IL18R1: variants seen among roughly 807,000 people sequenced by gnomAD.
IL18R1 encodes the protein interleukin 18 receptor 1, also known as interleukin-18 receptor 1.
In IL18R1, 40 loss-of-function variants were observed where a neutral mutation model predicts 48.5. The observed-to-expected ratio is 0.82, with a 90% CI of 0.64 to 1.07. The LOEUF (loss-of-function observed/expected upper bound fraction) is 1.07, where lower values mean the gene tolerates loss of function less well. IL18R1 is among the 50% of genes least tolerant of loss of function. IL18R1 has a pLI of 0.00. For missense variants in IL18R1, 596 were observed against 633.7 expected (o/e 0.94, Z 0.64); for synonymous variants, 232 against 225.9 (o/e 1.03, Z -0.24).
chr2:102,391,517 T>C (rs1246218668), intron 9 of IL18R1, among the ~76,000 whole-genome samples: 1 of 152,224 alleles, frequency 6.6e-6, no homozygotes, highest in Non-Finnish European at 1.5e-5. Flanking sequence ...TTGTTTCCAA[T>C]CTTTTGTTAT....
At chr2:102,365,598 C>T (rs1678845152) in intron 2 of IL18R1, among the ~76,000 whole-genome samples, 1 of 152,132 alleles carries the variant, frequency 6.6e-6, no homozygotes, top group Admixed American at 6.5e-5. Flanking sequence ...CTCTTAACTC[C>T]ACTAGCTGTA....
chr2:102,369,696 T>A (rs1456829011), intron 3 of IL18R1, among the ~76,000 whole-genome samples: 2 of 152,216 alleles, frequency 1.3e-5, no homozygotes, highest in Non-Finnish European at 2.9e-5. Context: ...CTAACTTAGG[T>A]GTGTAACCCT....
Position 102,376,010 on chromosome 2 carries a change from A to G in IL18R1, c.572A>G (p.His191Arg). Residue 191 changes from histidine (H) to arginine (R), a missense_variant, in exon 5 of 11, where the codon CAT becomes CGT. By Grantham distance (29) the His-to-Arg change is conservative. This residue lies in a region of IL18R1 where 360 missense variants were observed against 339.4 expected (regional missense o/e 1.06). Transcript: ENST00000233957. ...TACTCCTGCGTGCATTTCCTTCATC[A>G]TAATGGAAAACTATTTAATATCACC... Reference protein sequence around the residue: ...GYYSCVHFLHHNGKLFNITKT... With the variant: ...GYYSCVHFLHRNGKLFNITKT... The G allele has an allele frequency of 2.5e-6, 4 of 1,605,880 alleles. No individual in the cohort carries two copies. The highest frequency in any genetic ancestry group is 3.4e-6 in the Non-Finnish European group (4 of 1,177,204).
intron 7 of IL18R1, among the ~76,000 whole-genome samples, chr2:102,386,074 T>C (rs1197389534): frequency 6.6e-6 from 1 of 152,222 alleles, no homozygotes; most frequent in Non-Finnish European, 1.5e-5. Flanking sequence ...AGGAAAAGAA[T>C]TACATTCCAA....
chr2:102,397,007 T>C lies in IL18R1; in HGVS notation c.*121T>C. 1.5e-6 allele frequency: 1 copy of C among 652,854 alleles called. No individual in the cohort carries two copies. The highest frequency in any genetic ancestry group is 2.6e-6 in the Non-Finnish European group (1 of 386,014). 40.4% of individuals were successfully genotyped at this position (652,854 alleles called of 1,614,324 possible). A position where few individuals can be genotyped will look rare whatever the true frequency, so the allele number is the denominator to read the frequency against. On this transcript the variant is annotated 3_prime_UTR_variant, in exon 11 of 11. Transcript: ENST00000233957. ...AACTTTGTCAAAATCCTGCTCACAATTTGAAGATGAAACTTGTCATTAGGT... is the reference window on the plus strand; with the variant it reads ...AACTTTGTCAAAATCCTGCTCACAACTTGAAGATGAAACTTGTCATTAGGT...
At chr2:102,374,759 G>A (rs560064916) in intron 4 of IL18R1, among the ~76,000 whole-genome samples, 1 of 150,190 alleles carries the variant, frequency 6.7e-6, no homozygotes, top group Non-Finnish European at 1.5e-5. Context: ...GCCTAGGGGA[G>A]AGAGCGATAC....
chr2:102,394,117 A>G (rs936275230), intron 9 of IL18R1, among the ~76,000 whole-genome samples: 38 of 152,244 alleles, frequency 2.5e-4, no homozygotes, highest in African/African-American at 8.9e-4. Context: ...GAATTAAATG[A>G]TATGAGTAAA....
intron 2 of IL18R1, among the ~76,000 whole-genome samples, chr2:102,363,243 G>A (rs1323225904): frequency 6.6e-6 from 1 of 151,356 alleles, no homozygotes; most frequent in Non-Finnish European, 1.5e-5. Context: ...TCATTCTTTA[G>A]CGTTCCATGA....
chr2:102,372,059 C>A lies in IL18R1; in HGVS notation c.409C>A (p.Gln137Lys). ...AATTGTGGAAGTTAAAAAATTTTTT[C>A]AGATAACCTGTGAAAACAGTTACTA... is the stretch of plus-strand genomic sequence containing the variant. The part of the protein sequence containing the change: ...SKIVEVKKFF[Q>K]ITCENSYYQT... The change falls in exon 4 of 11, where the codon CAG becomes AAG. Residue 137 changes from glutamine (Q) to lysine (K), a missense_variant. Gln to Lys is a moderately conservative substitution (Grantham distance 53). Coordinates refer to ENST00000233957, the MANE Select transcript of IL18R1 (RefSeq NM_003855.5). The A allele has an allele frequency of 6.2e-7, 1 of 1,609,340 alleles. No individual in the cohort carries two copies. Among genetic ancestry groups the A allele is most frequent in the South Asian group, 1.1e-5 (1 of 89,798 alleles).
At chr2:102,384,236 G>T (rs753508646) in intron 6 of IL18R1, among the ~76,000 whole-genome samples, 6 of 152,172 alleles carry the variant, frequency 3.9e-5, no homozygotes, top group Non-Finnish European at 5.9e-5. Context: ...AATGAGACTT[G>T]CTCTCCTGAT....
chr2:102,392,150 T>G (rs1354901626), intron 9 of IL18R1, among the ~76,000 whole-genome samples: 13 of 152,216 alleles, frequency 8.5e-5, no homozygotes, highest in African/African-American at 1.4e-4. Flanking sequence ...TATTAGTTCC[T>G]CTGAGATTTT....
chr2:102,368,094 G>A (rs761302438), intron 3 of IL18R1, 26 bp downstream of exon 3: 11 of 1,612,096 alleles, frequency 6.8e-6, no homozygotes, highest in South Asian at 1.1e-5. Context: ...TTTTCAAAAT[G>A]TATTTCACAG....
intron 8 of IL18R1, among the ~76,000 whole-genome samples, chr2:102,388,183 G>A (rs968853274): frequency 1.3e-5 from 2 of 152,160 alleles, no homozygotes; most frequent in Non-Finnish European, 2.9e-5. Context: ...CTGGTGCCCA[G>A]GGGCAGCTCC....
Position 102,375,928 on chromosome 2 carries a change from G to C in IL18R1, c.490G>C (p.Glu164Gln), listed in dbSNP as rs769296603. 6.3e-7 allele frequency: 1 copy of C among 1,590,772 alleles called. No homozygotes were observed. Among genetic ancestry groups the C allele is most frequent in the East Asian group, 2.3e-5 (1 of 44,264 alleles). The change falls in exon 5 of 11, where the codon GAG becomes CAG. Residue 164 changes from glutamate (E) to glutamine (Q), a missense_variant. Transcript: ENST00000233957. ...LYKNCKKLLL[E>Q]NNKNPTIKKN... The stretch of plus-strand genomic sequence containing the variant: ...ACAGAACTGTAAAAAGCTACTACTG[G>C]AGAACAATAAAAACCCAACGATAAA...
intron 4 of IL18R1, among the ~76,000 whole-genome samples, chr2:102,375,632 G>A (rs1230549791): frequency 6.6e-6 from 1 of 152,168 alleles, no homozygotes; most frequent in East Asian, 1.9e-4. Context: ...AGAGAGAGAT[G>A]AAAGAATATT....
chr2:102,384,615 C>T (rs1163276417), intron 6 of IL18R1, among the ~76,000 whole-genome samples: 1 of 152,166 alleles, frequency 6.6e-6, no homozygotes, highest in African/African-American at 2.4e-5. Context: ...AGAAAGTACA[C>T]TGATCACTCT....
Position 102,375,929 on chromosome 2 carries a change from A to G in IL18R1, c.491A>G (p.Glu164Gly). The change falls in exon 5 of 11, where the codon GAG becomes GGG. Residue 164 changes from glutamate to glycine, a missense_variant. Glu to Gly is a moderately conservative substitution (Grantham distance 98). Around this residue, in one of 3 missense-constraint regions of IL18R1, gnomAD observed 360 missense variants for 339.4 expected, o/e 1.06. Coordinates refer to ENST00000233957, the MANE Select transcript of IL18R1 (RefSeq NM_003855.5). ...LYKNCKKLLLENNKNPTIKKN... is the reference protein window; with the variant it reads ...LYKNCKKLLLGNNKNPTIKKN... ...CAGAACTGTAAAAAGCTACTACTGGAGAACAATAAAAACCCAACGATAAAG... is the reference window on the plus strand; with the variant it reads ...CAGAACTGTAAAAAGCTACTACTGGGGAACAATAAAAACCCAACGATAAAG... The G allele has an allele frequency of 6.3e-7, 1 of 1,592,378 alleles. No homozygotes were observed. The highest frequency in any genetic ancestry group is 8.5e-7 in the Non-Finnish European group (1 of 1,173,232).
At chr2:102,371,890 G>A (rs919945582) in intron 3 of IL18R1, 63 bp from the exon 4 acceptor site, 1 of 883,634 alleles carries the variant, frequency 1.1e-6, no homozygotes, top group African/African-American at 1.7e-5. Context: ...CTAAAGGGAA[G>A]ATGGGTGATA....
In IL18R1 at chr2:102,362,659, C is replaced by A. The variant is rs750332293; in HGVS notation, c.-2C>A. Reference sequence around the variant, plus strand: ...GAAGCCATTTGAAGCAGAATCCAAACCATGAATTGTAGAGAATTACCCTTG... The same window carrying A: ...GAAGCCATTTGAAGCAGAATCCAAAACATGAATTGTAGAGAATTACCCTTG... On this transcript the variant is annotated 5_prime_UTR_variant, in exon 2 of 11. Transcript: ENST00000233957. The A allele has an allele frequency of 1.2e-6, 2 of 1,602,338 alleles. No homozygotes were observed. Among genetic ancestry groups the A allele is most frequent in the Admixed American group, 1.8e-5 (1 of 57,090 alleles).
Sources: allele counts gnomAD v4.1 joint callset (sites outside exome capture counted in the v4.1 genomes callset), GRCh38; gene constraint gnomAD v4.1.1; regional missense constraint gnomAD v4.1.1; transcripts MANE v1.5; gene names NCBI Gene and HGNC (gene_info 2026-07-23, HGNC 2026-07-21).